The following EHD3 variants were observed in gnomAD, a reference collection of about 807,000 sequenced individuals.
EHD3 encodes EH domain containing 3, also known as EH domain-containing protein 3.
Under a neutral mutation model 43.0 loss-of-function variants are expected in EHD3, and 17 were observed. The observed-to-expected ratio is 0.40, with a 90% CI of 0.27 to 0.59. EHD3 has a LOEUF of 0.59. EHD3 is among the 20% of genes least tolerant of loss of function. The pLI is 0.49. For synonymous variants in EHD3, 313 were observed against 289.5 expected (o/e 1.08, Z -0.82); for missense variants, 594 against 705.6 (o/e 0.84, Z 1.79).
At chr2:31,254,364 A>T (rs748524963) in intron 3 of EHD3, among the ~76,000 whole-genome samples, 1 of 152,110 alleles carries the variant, frequency 6.6e-6, no homozygotes, top group Non-Finnish European at 1.5e-5. Context: ...GCCTGCACTT[A>T]AAGGCCTCTG....
In EHD3 at chr2:31,243,460, C is replaced by CTTTCT. The variant is rs1553402472; in HGVS notation, c.228-811_228-810insCTTTT. Among the ~76,000 whole-genome samples, 647 of 98,466 alleles carry CTTTCT rather than the reference C, an allele frequency of 6.6e-3. 22 individuals are homozygous for CTTTCT. Among genetic ancestry groups the CTTTCT allele is most frequent in the Non-Finnish European group, 9.2e-3 (501 of 54,196 alleles). 64.6% of individuals were successfully genotyped at this position (98,466 alleles called of 152,430 possible). On this transcript the variant is annotated intron_variant, in intron 1 of 5. Coordinates refer to ENST00000322054, the MANE Select transcript of EHD3 (RefSeq NM_014600.3). ...TCTTTCTTTCTTTCTTTCTTTCTTT[C>CTTTCT]TTTTTTTTTTTTTGAGACAGAGTTT...
Position 31,260,990 on chromosome 2 carries a change from C to A in EHD3, c.915+68C>A. On this transcript the variant is annotated intron_variant, in intron 4 of 5. Coordinates refer to ENST00000322054, the MANE Select transcript of EHD3 (RefSeq NM_014600.3). The surrounding 1 kb of genome is among the most constrained non-coding windows in gnomAD (Gnocchi z 4.6). ...CAGAGTTTGGGGTCAGCTGCACGAGCTGAGGGTTGCTGCCTCCAACAGCCA... is the reference window on the plus strand; with the variant it reads ...CAGAGTTTGGGGTCAGCTGCACGAGATGAGGGTTGCTGCCTCCAACAGCCA... 5.3e-6 allele frequency: 8 copies of A among 1,508,684 alleles called. No homozygotes were observed. Among genetic ancestry groups the A allele is most frequent in the Non-Finnish European group, 6.2e-6 (7 of 1,121,890 alleles). 93.5% of individuals were successfully genotyped at this position (1,508,684 alleles called of 1,614,324 possible). A position where few individuals can be genotyped will look rare whatever the true frequency, so the allele number is the denominator to read the frequency against.
chr2:31,247,365 T>A (rs1241293265), intron 2 of EHD3, among the ~76,000 whole-genome samples: 2 of 151,470 alleles, frequency 1.3e-5, no homozygotes, highest in African/African-American at 4.8e-5. Context: ...AAAAAAAAAA[T>A]TATAAAGAAA....
rs758366811 is a variant in EHD3 at position 31,261,546 on chromosome 2, C to T, written c.916-3C>T. The T allele has an allele frequency of 6.2e-7, 1 of 1,614,038 alleles. No homozygotes were observed. Among genetic ancestry groups the T allele is most frequent in the East Asian group, 2.2e-5 (1 of 44,884 alleles). On this transcript the variant is annotated splice_polypyrimidine_tract_variant and splice_region_variant and intron_variant, in intron 4 of 5. Coordinates refer to ENST00000322054, the MANE Select transcript of EHD3 (RefSeq NM_014600.3). The stretch of plus-strand genomic sequence containing the variant: ...AAGGCTTCTCTCTGGCCCTGTTTGT[C>T]AGGTCCACGCCTACATCATCAGCTC...
intron 3 of EHD3, among the ~76,000 whole-genome samples, chr2:31,252,591 C>G (rs1181844224): frequency 6.6e-6 from 1 of 152,248 alleles, no homozygotes; most frequent in African/African-American, 2.4e-5. Flanking sequence ...TCTCCTGCCT[C>G]AGCCTCCTGA....
At position 31,234,709 on chromosome 2, in the gene EHD3, A is replaced by G. The variant is rs535973308; in HGVS notation, c.88A>G (p.Lys30Glu). 1.9e-5 allele frequency: 30 copies of G among 1,614,194 alleles called. No individual in the cohort carries two copies. The South Asian group carries it at 2.9e-4, about 15-fold the overall frequency. ...TVSEGLKKLY[K>E]SKLLPLEEHY... The stretch of plus-strand genomic sequence containing the variant: ...GAGTGAGGGGCTCAAGAAACTCTAC[A>G]AGAGCAAGCTGCTGCCCTTGGAAGA... Residue 30 changes from lysine to glutamate, a missense_variant, in exon 1 of 6, where the codon AAG (lysine) becomes GAG (glutamate). Transcript: ENST00000322054.
intron 2 of EHD3, among the ~76,000 whole-genome samples, chr2:31,246,339 G>A (rs1683525467): frequency 6.6e-6 from 1 of 152,074 alleles, no homozygotes; most frequent in South Asian, 2.1e-4. Flanking sequence ...CTGAGCAAGG[G>A]GGTAGGCAAG....
intron 3 of EHD3, among the ~76,000 whole-genome samples, chr2:31,253,710 C>T (rs764963040): frequency 1.2e-4 from 19 of 152,060 alleles, no homozygotes; most frequent in Non-Finnish European, 2.6e-4. Flanking sequence ...GGGTGTGGAC[C>T]CTCTACTGGG....
chr2:31,266,796 A>G lies in EHD3; in HGVS notation c.*92A>G. 1.5e-6 allele frequency: 2 copies of G among 1,351,728 alleles called. No individual in the cohort carries two copies. The highest frequency in any genetic ancestry group is 2.0e-6 in the Non-Finnish European group (2 of 1,001,616). The allele number at this position is 1,351,728 out of a possible 1,614,324, so 83.7% of individuals were successfully genotyped here. ...CACACACACACACACACACACACAA[A>G]CATGCACACACACATATGCATATCT... On this transcript the variant is annotated 3_prime_UTR_variant, in exon 6 of 6. Transcript: ENST00000322054. The surrounding 1 kb of genome is among the most constrained non-coding windows in gnomAD (Gnocchi z 5.1).
intron 5 of EHD3, among the ~76,000 whole-genome samples, chr2:31,264,158 C>T (rs1455345442): frequency 6.6e-6 from 1 of 152,208 alleles, no homozygotes; most frequent in Non-Finnish European, 1.5e-5. Context: ...GGGCCTACCA[C>T]ACACCTGGAC....
At chr2:31,262,207 C>T (rs1017413699) in intron 5 of EHD3, among the ~76,000 whole-genome samples, 1 of 152,196 alleles carries the variant, frequency 6.6e-6, no homozygotes, top group Non-Finnish European at 1.5e-5. Context: ...GGGCCAGTGG[C>T]CATCACACAT....
intron 1 of EHD3, among the ~76,000 whole-genome samples, chr2:31,240,983 C>T (rs1353267352): frequency 2.0e-5 from 3 of 152,170 alleles, no homozygotes; most frequent in Non-Finnish European, 4.4e-5. Context: ...GAATCTTTCT[C>T]GTGAAGGGTA....
Position 31,260,996 on chromosome 2 carries a change from G to A in EHD3, c.915+74G>A, listed in dbSNP as rs1004164952. 35 of 1,499,918 alleles carry A rather than the reference G, an allele frequency of 2.3e-5. No individual in the cohort carries two copies. In the South Asian group the frequency reaches 4.4e-4, roughly 19 times the overall value. 92.9% of individuals were successfully genotyped at this position (1,499,918 alleles called of 1,614,324 possible). A position where few individuals can be genotyped will look rare whatever the true frequency, so the allele number is the denominator to read the frequency against. ...TTGGGGTCAGCTGCACGAGCTGAGGGTTGCTGCCTCCAACAGCCAGTGCAT... is the reference window on the plus strand; with the variant it reads ...TTGGGGTCAGCTGCACGAGCTGAGGATTGCTGCCTCCAACAGCCAGTGCAT... On this transcript the variant is annotated intron_variant, in intron 4 of 5. Coordinates refer to ENST00000322054, the MANE Select transcript of EHD3 (RefSeq NM_014600.3). The surrounding 1 kb of genome is among the most constrained non-coding windows in gnomAD (Gnocchi z 4.6).
At chr2:31,234,878 C>T (rs554246581) in intron 1 of EHD3, 30 bp downstream of exon 1, 59 of 1,608,384 alleles carry the variant, frequency 3.7e-5, no homozygotes, top group Non-Finnish European at 4.8e-5. Context: ...TGGCAGCCCA[C>T]CCCGGAGCCC....
chr2:31,263,529 C>T (rs1683892080), intron 5 of EHD3, among the ~76,000 whole-genome samples: 1 of 152,110 alleles, frequency 6.6e-6, no homozygotes, highest in South Asian at 2.1e-4. Context: ...ACCAAACATA[C>T]CTAGATGTGA....
chr2:31,256,043 A>C (rs1468271618), intron 3 of EHD3, among the ~76,000 whole-genome samples: 1 of 152,122 alleles, frequency 6.6e-6, no homozygotes, highest in Admixed American at 6.5e-5. Flanking sequence ...GGAAGCTCGG[A>C]GGTTGTCCAG....
intron 5 of EHD3, among the ~76,000 whole-genome samples, chr2:31,263,848 T>TATC (rs796511540): frequency 4.6e-5 from 7 of 152,364 alleles, no homozygotes; most frequent in African/African-American, 1.7e-4. Context: ...GCTGTCACCC[T>TATC]ATCACCCTCT....
Position 31,238,787 on chromosome 2 carries a change from G to C in EHD3, c.227+3939G>C, listed in dbSNP as rs930845740. 4.3e-4 allele frequency among the ~76,000 whole-genome samples: 66 copies of C among 152,206 alleles called. 2 individuals are homozygous for C. On this transcript the variant is annotated intron_variant, in intron 1 of 5. Coordinates refer to ENST00000322054, the MANE Select transcript of EHD3 (RefSeq NM_014600.3). ...GGAGGTGAGTAGCTGGCTGCTCCAG[G>C]GGCTGAGGAAGGCCTGAGTACTTCC... is the stretch of plus-strand genomic sequence containing the variant.
intron 2 of EHD3, among the ~76,000 whole-genome samples, chr2:31,248,693 G>A (rs542997075): frequency 1.3e-5 from 2 of 152,304 alleles, no homozygotes; most frequent in African/African-American, 4.8e-5. Flanking sequence ...CCAGGCTTGT[G>A]ATCCTCTGGC....
Sources: gnomAD v4.1 joint callset for allele counts (sites outside exome capture counted in the v4.1 genomes callset) on GRCh38, gnomAD v4.1.1 for gene constraint, Gnocchi (gnomAD v3.1) non-coding constraint, MANE v1.5 for transcripts, NCBI Gene and HGNC (gene_info 2026-07-23, HGNC 2026-07-21) for gene names.